RAD51B: variants seen among roughly 807,000 people sequenced by gnomAD.
RAD51B encodes the protein DNA repair protein RAD51 homolog 2.
A neutral mutation model predicts 42.2 loss-of-function variants in RAD51B; 38 were observed. The observed-to-expected ratio is 0.90, with a 90% CI of 0.70 to 1.18. RAD51B has a LOEUF of 1.18. Ranked by LOEUF, RAD51B falls within the 50% of genes most tolerant of loss-of-function variation. The probability of loss-of-function intolerance (pLI) is 0.00; values close to 1 mark genes in which losing one functional copy is unlikely to be tolerated. For synonymous variants in RAD51B, 154 were observed against 145.2 expected (o/e 1.06, Z -0.43); for missense variants, 373 against 400.7 (o/e 0.93, Z 0.59).
intron 7 of RAD51B, among the ~76,000 whole-genome samples, chr14:67,991,248 G>A (rs931909807): frequency 1.3e-5 from 2 of 152,122 alleles, no homozygotes; most frequent in East Asian, 3.9e-4. Flanking sequence ...TCTCTTTCTT[G>A]TTCCCTACAG....
chr14:68,442,535 G>T (rs1404194261), intron 9 of RAD51B, among the ~76,000 whole-genome samples: 1 of 149,098 alleles, frequency 6.7e-6, no homozygotes, highest in African/African-American at 2.5e-5. Context: ...CCGCCTCCTG[G>T]GTTCAAGCTA....
At chr14:68,131,344 A>G (rs911697215) in intron 7 of RAD51B, among the ~76,000 whole-genome samples, 5 of 152,254 alleles carry the variant, frequency 3.3e-5, no homozygotes, top group African/African-American at 1.2e-4. Context: ...CCTCAGTGTC[A>G]TGTGCTTGTG....
intron 7 of RAD51B, among the ~76,000 whole-genome samples, chr14:67,956,356 G>A (rs934488621): frequency 2.0e-5 from 3 of 152,012 alleles, no homozygotes; most frequent in Admixed American, 6.6e-5. Flanking sequence ...GTATGGTGGC[G>A]GCCACCTGTA....
intron 9 of RAD51B, among the ~76,000 whole-genome samples, chr14:68,464,700 G>A (rs58679555): frequency 4.7e-4 from 71 of 152,330 alleles, no homozygotes; most frequent in African/African-American, 1.6e-3. Flanking sequence ...AAGAGAGTTT[G>A]TCACATTTTT....
chr14:68,551,926 A>G (rs1888595927), intron 10 of RAD51B, among the ~76,000 whole-genome samples: 2 of 152,238 alleles, frequency 1.3e-5, no homozygotes, highest in South Asian at 4.1e-4. Flanking sequence ...ATTTGAAGTC[A>G]TAAGGGTGCT....
intron 10 of RAD51B, among the ~76,000 whole-genome samples, chr14:68,544,901 T>C (rs1022534098): frequency 6.6e-6 from 1 of 152,190 alleles, no homozygotes; most frequent in Non-Finnish European, 1.5e-5. Context: ...CAAATGCATT[T>C]GCCAAAAACC....
intron 10 of RAD51B, among the ~76,000 whole-genome samples, chr14:68,584,925 C>CAG (rs1266177723): frequency 6.6e-6 from 1 of 152,170 alleles, no homozygotes; most frequent in African/African-American, 2.4e-5. Context: ...ACTTGCCAGG[C>CAG]AGAGCCCTCA....
chr14:67,942,068 A>C (rs919582805), intron 7 of RAD51B, among the ~76,000 whole-genome samples: 5 of 152,238 alleles, frequency 3.3e-5, no homozygotes, highest in African/African-American at 1.2e-4. Context: ...AAAGCTAATA[A>C]AGTAGTTGGA....
At chr14:68,682,633 A>G in intron 11 of RAD51B, among the ~76,000 whole-genome samples, 1 of 152,160 alleles carries the variant, frequency 6.6e-6, no homozygotes, top group East Asian at 1.9e-4. Context: ...TTCTTCCTTT[A>G]GCAATTGCTG....
At chr14:68,226,662 G>A (rs2080045186) in intron 7 of RAD51B, among the ~76,000 whole-genome samples, 1 of 152,168 alleles carries the variant, frequency 6.6e-6, no homozygotes, top group South Asian at 2.1e-4. Context: ...ATGTGGAACT[G>A]CAGGTCCATT....
chr14:68,661,762 C>T (rs960764089), intron 11 of RAD51B, among the ~76,000 whole-genome samples: 7 of 152,152 alleles, frequency 4.6e-5, no homozygotes, highest in African/African-American at 1.7e-4. Flanking sequence ...CTCCAACAGC[C>T]CTGGGTGCGA....
chr14:68,448,474 G>C (rs1283460798), intron 9 of RAD51B, among the ~76,000 whole-genome samples: 1 of 152,118 alleles, frequency 6.6e-6, no homozygotes, highest in East Asian at 1.9e-4. Flanking sequence ...TTATGGGCAG[G>C]GACCTCATCA....
intron 8 of RAD51B, among the ~76,000 whole-genome samples, chr14:68,398,118 C>A (rs1384589628): frequency 6.6e-6 from 1 of 152,236 alleles, no homozygotes; most frequent in Non-Finnish European, 1.5e-5. Flanking sequence ...CTCTCCAGTG[C>A]CAGGGCAGCA....
At chr14:68,557,785 A>T (rs867104365) in intron 10 of RAD51B, among the ~76,000 whole-genome samples, 1 of 152,188 alleles carries the variant, frequency 6.6e-6, no homozygotes, top group Non-Finnish European at 1.5e-5. Flanking sequence ...AGCTCTTGTT[A>T]TATGCAAAGT....
At chr14:67,940,135 G>A (rs1308252838) in intron 7 of RAD51B, among the ~76,000 whole-genome samples, 10 of 121,308 alleles carry the variant, frequency 8.2e-5, no homozygotes, top group African/African-American at 1.3e-4. Context: ...GTGCAATGGC[G>A]TGATCTCAGC....
chr14:68,468,506 A>C (rs539976765), intron 10 of RAD51B: 63 of 507,652 alleles, frequency 1.2e-4, no homozygotes, highest in African/African-American at 1.1e-3. Flanking sequence ...AAACATGAGG[A>C]TCAAACCAAG....
At chr14:68,468,071 C>T in intron 9 of RAD51B, 101 bp from the exon 10 acceptor site, 1 of 931,930 alleles carries the variant, frequency 1.1e-6, no homozygotes. Context: ...TTGTGACTTA[C>T]AGTCCTATGT....
intron 8 of RAD51B, among the ~76,000 whole-genome samples, chr14:68,299,147 T>C (rs2081670137): frequency 6.6e-6 from 1 of 151,934 alleles, no homozygotes. Flanking sequence ...ACCAAAACCT[T>C]TATTCCATTT....
chr14:68,063,312 A>G (rs1014368186), intron 7 of RAD51B, among the ~76,000 whole-genome samples: 2 of 152,076 alleles, frequency 1.3e-5, no homozygotes, highest in Non-Finnish European at 2.9e-5. Context: ...TGTAATCCCC[A>G]GTGTTGGAGG....
Sources: allele counts gnomAD v4.1 joint callset (sites outside exome capture counted in the v4.1 genomes callset), GRCh38; gene constraint gnomAD v4.1.1; transcripts MANE v1.5; gene names NCBI Gene and HGNC (gene_info 2026-07-23, HGNC 2026-07-21).